RAD9B: variants seen among roughly 807,000 people sequenced by gnomAD.
The protein encoded by RAD9B is RAD9 checkpoint clamp component B, also known as cell cycle checkpoint control protein RAD9B.
In RAD9B, 41 loss-of-function variants were observed where a neutral mutation model predicts 48.3. The observed-to-expected ratio is 0.85, with a 90% CI of 0.66 to 1.10. The LOEUF (loss-of-function observed/expected upper bound fraction) is 1.10, where lower values mean the gene tolerates loss of function less well. Among genes scored for constraint, RAD9B ranks in the 50% least tolerant of loss-of-function variants. The pLI is 0.00. For missense variants in RAD9B, 444 were observed against 485.1 expected, an observed-to-expected ratio of 0.92 and a Z score of 0.80; for synonymous variants, 160 against 157.9, an observed-to-expected ratio of 1.01 and a Z score of -0.10.
chr12:110,530,362 C>A (rs1348751734), intron 10 of RAD9B, among the ~76,000 whole-genome samples, 163 bp from the exon 11 acceptor site: 1 of 148,374 alleles, frequency 6.7e-6, no homozygotes, highest in African/African-American at 2.6e-5. Flanking sequence ...GGTTTTAGGA[C>A]GTGTTGGACC....
intron 1 of RAD9B, chr12:110,502,836 T>C (rs939456935): frequency 1.2e-5 from 2 of 160,352 alleles, no homozygotes; most frequent in African/African-American, 4.8e-5. Context: ...ACAGGGGTAA[T>C]GACAGCACCT....
In RAD9B at chr12:110,506,443, C is replaced by T. The variant is rs1490771396; in HGVS notation, c.274-136C>T. On this transcript the variant is annotated intron_variant, in intron 3 of 10. Transcript: ENST00000409300. ...GACCTCGTGATCCGCCCGCCTCGGCCTCCCAAAGTGCTGGGATTACAGGCG... is the reference window on the plus strand; with the variant it reads ...GACCTCGTGATCCGCCCGCCTCGGCTTCCCAAAGTGCTGGGATTACAGGCG... The T allele has an allele frequency of 9.4e-6, 5 of 534,240 alleles. No individual in the cohort carries two copies. In the East Asian group the frequency reaches 2.0e-4, roughly 21 times the overall value. The allele number at this position is 534,240 out of a possible 1,614,324, so 33.1% of individuals were successfully genotyped here.
At position 110,530,614 on chromosome 12, in the gene RAD9B, T is replaced by C. The variant is rs1292616414; in HGVS notation, c.1215T>C (p.Ser405=). ...ACAGTCTGGCAAGAGCAAGTGACAG[T>C]GAAGAGGACATGAATAATGGCAGTT... ...PFDSLARASD[S]EEDMNNGSFS... is the part of the protein sequence containing the mutation. Residue 405 remains serine (S), a synonymous_variant, in exon 11 of 11, where the codon AGT becomes AGC. Transcript: ENST00000409300. 1 of 1,614,024 alleles carries C rather than the reference T, an allele frequency of 6.2e-7. No individual in the cohort carries two copies. Among genetic ancestry groups the C allele is most frequent in the Non-Finnish European group, 8.5e-7 (1 of 1,179,862 alleles).
In RAD9B at chr12:110,531,053, C is replaced by A. The variant is rs2064122498; in HGVS notation, c.*400C>A. 1.0e-6 allele frequency: 1 copy of A among 1,002,126 alleles called. No homozygotes were observed. The highest frequency in any genetic ancestry group is 1.7e-5 in the African/African-American group (1 of 57,664). 62.1% of individuals were successfully genotyped at this position (1,002,126 alleles called of 1,614,324 possible). On this transcript the variant is annotated 3_prime_UTR_variant, in exon 11 of 11. Coordinates refer to ENST00000409300, the MANE Select transcript of RAD9B (RefSeq NM_001286535.2). ...AATTTTGTGATTTGTAGTCAGGTAT[C>A]TTTTGTATTTGATTGCAAACATTTG...
intron 6 of RAD9B, among the ~76,000 whole-genome samples, chr12:110,517,190 G>T (rs2063624148): frequency 6.6e-6 from 1 of 151,964 alleles, no homozygotes; most frequent in Non-Finnish European, 1.5e-5. Flanking sequence ...AATTAGCCAG[G>T]TATGGTGGCA....
chr12:110,511,486 C>T (rs1011784144), intron 4 of RAD9B: 19 of 453,494 alleles, frequency 4.2e-5, no homozygotes, highest in Non-Finnish European at 7.5e-5. Context: ...CATGGAAAGT[C>T]AAGTATTGCA....
chr12:110,521,088 C>A (rs2063771210), intron 9 of RAD9B, among the ~76,000 whole-genome samples: 1 of 152,060 alleles, frequency 6.6e-6, no homozygotes, highest in Non-Finnish European at 1.5e-5. Context: ...CCAGAGATAG[C>A]CACTGTAACA....
chr12:110,530,911 G>A lies in RAD9B; in HGVS notation c.*258G>A, dbSNP rs2135746418. The A allele has an allele frequency of 8.3e-7, 1 of 1,199,498 alleles. No individual in the cohort carries two copies. The highest frequency in any genetic ancestry group is 1.5e-5 in the African/African-American group (1 of 65,374). 74.3% of individuals were successfully genotyped at this position (1,199,498 alleles called of 1,614,324 possible). A position where few individuals can be genotyped will look rare whatever the true frequency, so the allele number is the denominator to read the frequency against. On this transcript the variant is annotated 3_prime_UTR_variant, in exon 11 of 11. Coordinates refer to ENST00000409300, the MANE Select transcript of RAD9B (RefSeq NM_001286535.2). ...CTGTGAAGGAAAAAAGCCCATTAGA[G>A]TTCTTCAATTCAATGCACGTTCACC... is the stretch of plus-strand genomic sequence containing the variant.
chr12:110,510,964 AAGAG>A (rs963024760), intron 4 of RAD9B, among the ~76,000 whole-genome samples: 13 of 152,196 alleles, frequency 8.5e-5, no homozygotes, highest in East Asian at 5.8e-4. Flanking sequence ...AAAAAAAAGA[AAGAG>A]AGAAAGGAAG....
chr12:110,511,574 T>C lies in RAD9B; in HGVS notation c.389-1205T>C, dbSNP rs985804394. The C allele has an allele frequency of 1.4e-5, 6 of 422,550 alleles. No homozygotes were observed. In the East Asian group the frequency reaches 2.2e-4, roughly 16 times the overall value. 26.2% of individuals were successfully genotyped at this position (422,550 alleles called of 1,614,324 possible). ...AATGGTAGATACCAGAGGCTGGTAA[T>C]GGTGTGTGGGTGAGTATGAAGAGAG... On this transcript the variant is annotated intron_variant, in intron 4 of 10. Transcript: ENST00000409300.
intron 9 of RAD9B, among the ~76,000 whole-genome samples, 182 bp downstream of exon 9, chr12:110,520,098 G>A (rs1018298432): frequency 2.0e-5 from 3 of 152,154 alleles, no homozygotes; most frequent in Non-Finnish European, 4.4e-5. Context: ...CACCAATCTC[G>A]TGTCAGATAT....
chr12:110,519,590 C>T (rs1358530676), intron 8 of RAD9B, among the ~76,000 whole-genome samples: 1 of 151,898 alleles, frequency 6.6e-6, no homozygotes, highest in African/African-American at 2.4e-5. Context: ...ACCATCATGC[C>T]CGGCTAATTT....
chr12:110,520,025 G>C (rs976790214), intron 9 of RAD9B, 109 bp downstream of exon 9: 10 of 1,238,188 alleles, frequency 8.1e-6, no homozygotes, highest in Non-Finnish European at 1.1e-5. Context: ...TGAAATATTA[G>C]TTAACAAATT....
At chr12:110,520,492 G>C (rs1223252751) in intron 9 of RAD9B, among the ~76,000 whole-genome samples, 1 of 150,592 alleles carries the variant, frequency 6.6e-6, no homozygotes, top group Admixed American at 6.6e-5. Flanking sequence ...GATTACAGGT[G>C]TGAGTCACCA....
chr12:110,531,467 C>T lies in RAD9B; in HGVS notation c.*814C>T, dbSNP rs2064134690. ...TCGGCCTCCCAAAGTGCTGGGATTACAGACTTGAGCCACTGCGCCCAACCT... is the reference window on the plus strand; with the variant it reads ...TCGGCCTCCCAAAGTGCTGGGATTATAGACTTGAGCCACTGCGCCCAACCT... On this transcript the variant is annotated 3_prime_UTR_variant, in exon 11 of 11. Transcript: ENST00000409300. 5.2e-6 allele frequency: 4 copies of T among 773,802 alleles called. No homozygotes were observed. The highest frequency in any genetic ancestry group is 1.8e-5 in the African/African-American group (1 of 56,602). 47.9% of individuals were successfully genotyped at this position (773,802 alleles called of 1,614,324 possible). A position where few individuals can be genotyped will look rare whatever the true frequency, so the allele number is the denominator to read the frequency against.
rs775429101 is a variant in RAD9B at position 110,502,336 on chromosome 12, G to C, written c.-2G>C. ...GCCTTCCGAGCCTGCTTTTTAGGGC[G>C]GATGGCAGCCATGCTGAAGTGCGTG... is the stretch of plus-strand genomic sequence containing the variant. On this transcript the variant is annotated 5_prime_UTR_variant, in exon 1 of 11. Transcript: ENST00000409300. The C allele has an allele frequency of 2.2e-5, 36 of 1,613,218 alleles. 1 individual carries two copies. The highest frequency in any genetic ancestry group is 5.0e-5 in the Admixed American group (3 of 59,892).
intron 4 of RAD9B, chr12:110,511,573 A>G: frequency 9.4e-6 from 4 of 424,132 alleles, no homozygotes; most frequent in South Asian, 6.9e-5. Flanking sequence ...GAGGCTGGTA[A>G]TGGTGTGTGG....
chr12:110,509,069 A>G (rs2063379952), intron 4 of RAD9B, among the ~76,000 whole-genome samples: 1 of 152,140 alleles, frequency 6.6e-6, no homozygotes, highest in Non-Finnish European at 1.5e-5. Context: ...GGTTCACGCC[A>G]TTCTCCTGCC....
chr12:110,513,607 C>T (rs563879827), intron 5 of RAD9B, among the ~76,000 whole-genome samples: 7 of 151,504 alleles, frequency 4.6e-5, no homozygotes, highest in Non-Finnish European at 1.0e-4. Context: ...TTTGAAAGTG[C>T]ATCCAGTTTT....
Sources: gnomAD v4.1 joint callset for allele counts (sites outside exome capture counted in the v4.1 genomes callset) on GRCh38, gnomAD v4.1.1 for gene constraint, MANE v1.5 for transcripts, NCBI Gene and HGNC (gene_info 2026-07-23, HGNC 2026-07-21) for gene names.